The following RYR3 variants were observed in gnomAD, a reference collection of about 807,000 sequenced individuals.
The protein encoded by RYR3 is ryanodine receptor 3, also known as brain ryanodine receptor-calcium release channel.
A neutral mutation model predicts 584.3 loss-of-function variants in RYR3; 207 were observed. That is an observed-to-expected ratio of 0.35 (90% confidence interval 0.32 to 0.40). RYR3 has a LOEUF of 0.40. RYR3 is among the 10% of genes least tolerant of loss of function. The probability of loss-of-function intolerance (pLI) is 1.00; values close to 1 mark genes in which losing one functional copy is unlikely to be tolerated. For synonymous variants in RYR3, 2,416 were observed against 2,248.5 expected, an observed-to-expected ratio of 1.07 and a Z score of -2.11; for missense variants, 5,616 against 6,089.2, an observed-to-expected ratio of 0.92 and a Z score of 2.59.
At chr15:33,639,017 G>T (rs114868692) in intron 27 of RYR3, among the ~76,000 whole-genome samples, 2,473 of 152,232 alleles carry the variant, frequency 0.016, 65 homozygotes, top group African/African-American at 0.057. Context: ...CAGCCTTTTC[G>T]TTCAAGAAAC....
chr15:33,821,843 G>C (rs994291963), intron 80 of RYR3, among the ~76,000 whole-genome samples: 2 of 152,192 alleles, frequency 1.3e-5, no homozygotes, highest in Non-Finnish European at 2.9e-5. Context: ...AAAACATTTA[G>C]TTTTTCATCA....
chr15:33,589,216 G>A (rs1271641169), intron 16 of RYR3, among the ~76,000 whole-genome samples: 2 of 152,158 alleles, frequency 1.3e-5, no homozygotes, highest in Non-Finnish European at 2.9e-5. Flanking sequence ...GATTAGTGAC[G>A]CTGAGCATTT....
chr15:33,493,915 T>C (rs2051188693), intron 2 of RYR3, among the ~76,000 whole-genome samples: 1 of 151,904 alleles, frequency 6.6e-6, no homozygotes, highest in South Asian at 2.1e-4. Flanking sequence ...AGACCTTGTC[T>C]CAAAATAATA....
At chr15:33,782,361 T>TA (rs1229912849) in intron 65 of RYR3, among the ~76,000 whole-genome samples, 1 of 152,110 alleles carries the variant, frequency 6.6e-6, no homozygotes, top group African/African-American at 2.4e-5. Context: ...TATTCATAAA[T>TA]AAAAAATGAC....
chr15:33,669,501 GTC>G, intron 37 of RYR3, 45 bp downstream of exon 37: 1 of 1,545,500 alleles, frequency 6.5e-7, no homozygotes, highest in Non-Finnish European at 8.9e-7. Flanking sequence ...TACAAGAAGA[GTC>G]TGTTTTTGAT....
At chr15:33,634,497 C>G in intron 24 of RYR3, 89 bp from the exon 25 acceptor site, 1 of 1,386,744 alleles carries the variant, frequency 7.2e-7, no homozygotes, top group Non-Finnish European at 1.0e-6. Context: ...ACCAGAAAGC[C>G]AGGACTGTTG....
intron 19 of RYR3, among the ~76,000 whole-genome samples, chr15:33,617,191 G>A (rs7183681): frequency 0.012 from 1,837 of 152,122 alleles, 38 homozygotes; most frequent in African/African-American, 0.041. Flanking sequence ...GAGGCGGGCG[G>A]ATCATGAGGT....
At chr15:33,743,946 A>C in intron 52 of RYR3, among the ~76,000 whole-genome samples, 1 of 152,166 alleles carries the variant, frequency 6.6e-6, no homozygotes, top group Admixed American at 6.5e-5. Context: ...CAATGGTCAA[A>C]ATCTTTGGTA....
chr15:33,578,776 A>C (rs377117716), intron 12 of RYR3, among the ~76,000 whole-genome samples: 2,287 of 45,110 alleles, frequency 0.051, 44 homozygotes, highest in African/African-American at 0.19. Context: ...AAAAAAAAAA[A>C]AACAACAACA....
At chr15:33,461,017 T>G (rs1311968506) in intron 1 of RYR3, among the ~76,000 whole-genome samples, 2 of 140,622 alleles carry the variant, frequency 1.4e-5, no homozygotes, top group African/African-American at 5.3e-5. Flanking sequence ...TGATCTTGGC[T>G]CACTGCAAGC....
At position 33,631,092 on chromosome 15, in the gene RYR3, A is replaced by G. The variant is rs976675954; in HGVS notation, c.2784-118A>G. On this transcript the variant is annotated intron_variant, in intron 22 of 103. Transcript: ENST00000634891. ...CTGTGGCCCCTTACAGAAAAAGTCT[A>G]CTGACCCCTGGGCTAAATGAATGGC... is the stretch of plus-strand genomic sequence containing the variant. The G allele has an allele frequency of 2.9e-5, 18 of 619,892 alleles. No homozygotes were observed. In the African/African-American group the frequency reaches 3.2e-4, roughly 11 times the overall value. 38.4% of individuals were successfully genotyped at this position (619,892 alleles called of 1,614,324 possible).
intron 18 of RYR3, among the ~76,000 whole-genome samples, chr15:33,607,641 T>C (rs917986438): frequency 8.5e-5 from 13 of 152,250 alleles, no homozygotes; most frequent in Admixed American, 2.6e-4. Flanking sequence ...TTTTCAGTAC[T>C]GTCTTTGAAT....
intron 1 of RYR3, among the ~76,000 whole-genome samples, chr15:33,376,865 C>T (rs1017480921): frequency 6.6e-6 from 1 of 152,192 alleles, no homozygotes; most frequent in African/African-American, 2.4e-5. Context: ...TCTAGCACCA[C>T]TTGTTGAAAA....
chr15:33,825,012 T>G (rs1456069538), intron 81 of RYR3, among the ~76,000 whole-genome samples: 1 of 152,158 alleles, frequency 6.6e-6, no homozygotes, highest in Non-Finnish European at 1.5e-5. Context: ...GGCCAACTTG[T>G]CATAAATTCA....
rs377031443 is a variant in RYR3 at position 33,781,075 on chromosome 15, C to T, written c.9268+734C>T. Among the ~76,000 whole-genome samples the T allele has an allele frequency of 8.5e-5, 13 of 152,290 alleles. No individual in the cohort carries two copies. The South Asian group carries it at 1.5e-3, about 17-fold the overall frequency. On this transcript the variant is annotated intron_variant, in intron 65 of 103. Transcript: ENST00000634891. ...GAGGCCTAAAATATTTACTATCTGG[C>T]CCTCTACAGGAAACGTTTTCCACCC...
At position 33,788,343 on chromosome 15, in the gene RYR3, G is replaced by A. The variant is rs200275874; in HGVS notation, c.9715G>A (p.Asp3239Asn). ...GCAGGAGGAGGAGCAGTTGAAAGCCGATGGCAAAGGGGACACCCAGGAGGC... is the reference window on the plus strand; with the variant it reads ...GCAGGAGGAGGAGCAGTTGAAAGCCAATGGCAAAGGGGACACCCAGGAGGC... ...TVQEEEQLKA[D>N]GKGDTQEAEL... The change falls in exon 67 of 104, where the codon GAT (aspartate) becomes AAT (asparagine). Residue 3239 changes from aspartate (D) to asparagine (N), a missense_variant. Asp to Asn is a conservative substitution (Grantham distance 23). This residue lies in a region of RYR3 where 954 missense variants were observed against 1,132.2 expected (regional missense o/e 0.84). Transcript: ENST00000634891. 41 of 1,613,818 alleles carry A rather than the reference G, an allele frequency of 2.5e-5. No homozygotes were observed. Among genetic ancestry groups the A allele is most frequent in the African/African-American group, 1.5e-4 (11 of 74,894 alleles).
chr15:33,447,846 ATAATAG>A (rs1452235376), intron 1 of RYR3, among the ~76,000 whole-genome samples: 1 of 152,178 alleles, frequency 6.6e-6, no homozygotes, highest in East Asian at 1.9e-4. Context: ...TCAATAGATG[ATAATAG>A]TAATAAGTAC....
At chr15:33,406,305 A>G (rs74799802) in intron 1 of RYR3, among the ~76,000 whole-genome samples, 4,037 of 152,274 alleles carry the variant, frequency 0.027, 156 homozygotes, top group African/African-American at 0.086. Flanking sequence ...GAGTGGATCT[A>G]TTGATAACAG....
intron 7 of RYR3, among the ~76,000 whole-genome samples, chr15:33,541,305 C>G (rs933124012): frequency 6.6e-6 from 1 of 152,142 alleles, no homozygotes; most frequent in African/African-American, 2.4e-5. Flanking sequence ...TCTCTCCATG[C>G]AGGCGAAGCA....
Sources: allele counts gnomAD v4.1 joint callset (sites outside exome capture counted in the v4.1 genomes callset), GRCh38; gene constraint gnomAD v4.1.1; regional missense constraint gnomAD v4.1.1; transcripts MANE v1.5; gene names NCBI Gene and HGNC (gene_info 2026-07-23, HGNC 2026-07-21).